The following HYDIN variants were observed in gnomAD, a reference collection of about 807,000 sequenced individuals.
The protein encoded by HYDIN is HYDIN axonemal central pair apparatus protein.
Under a neutral mutation model 403.9 loss-of-function variants are expected in HYDIN, and 132 were observed. The ratio of observed to expected loss-of-function variants is 0.33; its 90% confidence interval spans 0.28 to 0.38. The LOEUF (loss-of-function observed/expected upper bound fraction) is 0.38. Among genes scored for constraint, HYDIN ranks in the 10% least tolerant of loss-of-function variants. HYDIN has a pLI of 1.00. For missense variants in HYDIN, 2,827 were observed against 5,009.5 expected, an observed-to-expected ratio of 0.56 and a Z score of 13.15; for synonymous variants, 1,202 against 1,891.7, an observed-to-expected ratio of 0.64 and a Z score of 9.46.
At position 71,204,072 on chromosome 16, in the gene HYDIN, T is replaced by G. The variant is rs2088166983; in HGVS notation, c.-23-17154A>C. The stretch of plus-strand genomic sequence containing the variant: ...AGAGTCAGACTCTGTCTCAAAAAAG[T>G]AAAGAAAATATTTCATTATCAGGTT... On this transcript the variant is annotated intron_variant, in intron 1 of 85. Coordinates refer to ENST00000393567, the MANE Select transcript of HYDIN (RefSeq NM_001270974.2). 4 of 201,832 alleles carry G rather than the reference T, an allele frequency of 2.0e-5. No individual in the cohort carries two copies. The South Asian group carries it at 3.5e-4, about 18-fold the overall frequency. The allele number at this position is 201,832 out of a possible 1,614,324, so 12.5% of individuals were successfully genotyped here.
chr16:71,230,705 G>T lies in HYDIN; in HGVS notation c.-167C>A. ...CTCTCCATGCGCCGCCCGAGCTGTT[G>T]CCGTCCGTTGCCACGGTAACCACGG... On this transcript the variant is annotated 5_prime_UTR_variant, in exon 1 of 86. Coordinates refer to ENST00000393567, the MANE Select transcript of HYDIN (RefSeq NM_001270974.2). The T allele has an allele frequency of 1.3e-6, 2 of 1,535,988 alleles. No individual in the cohort carries two copies. The highest frequency in any genetic ancestry group is 1.7e-6 in the Non-Finnish European group (2 of 1,146,866).
At chr16:70,923,647 C>CAAAAAAAAAAAAA (rs57860871) in intron 45 of HYDIN, among the ~76,000 whole-genome samples, 25 of 69,250 alleles carry the variant, frequency 3.6e-4, no homozygotes, top group Non-Finnish European at 5.5e-4. Context: ...CTAAAAAATA[C>CAAAAAAAAAAAAA]AAAAAAAAAA....
intron 4 of HYDIN, among the ~76,000 whole-genome samples, chr16:71,178,383 C>T (rs1472330109): frequency 6.8e-6 from 1 of 146,534 alleles, no homozygotes; most frequent in Non-Finnish European, 1.5e-5. Context: ...CGTACCATTG[C>T]ACTCCAGCCT....
At chr16:71,193,756 T>A (rs919806595) in intron 1 of HYDIN, among the ~76,000 whole-genome samples, 12 of 152,208 alleles carry the variant, frequency 7.9e-5, no homozygotes, top group Admixed American at 2.0e-4. Context: ...TTAATAACTA[T>A]CATGATCACC....
In HYDIN at chr16:70,974,319, A is replaced by G; in HGVS notation, c.4910-19T>C. 1 of 1,534,204 alleles carries G rather than the reference A, an allele frequency of 6.5e-7. No homozygotes were observed. The highest frequency in any genetic ancestry group is 8.7e-7 in the Non-Finnish European group (1 of 1,144,400). On this transcript the variant is annotated intron_variant, in intron 32 of 85. Transcript: ENST00000393567. ...CTGAATCCTGGACCAAGACAAAAAA[A>G]AATTTCTTCATGGAAAAGAGAAACA... is the stretch of plus-strand genomic sequence containing the variant.
Position 70,840,166 on chromosome 16 carries a change from G to A in HYDIN, c.12941C>T (p.Ser4314Phe). ...GGTCCCAAAGTTGTAGCTGGTGAAG[G>A]AGAAATGGATAGCCGGGCTCACAGC... The part of the protein sequence containing the change: ...GCAVSPAIHF[S>F]FTSYNFGTCF... Residue 4314 changes from serine (S) to phenylalanine (F), a missense_variant, in exon 76 of 86, where the codon TCC becomes TTC. Coordinates refer to ENST00000393567, the MANE Select transcript of HYDIN (RefSeq NM_001270974.2). The A allele has an allele frequency of 2.2e-6, 2 of 929,380 alleles. No individual in the cohort carries two copies. Among genetic ancestry groups the A allele is most frequent in the East Asian group, 2.5e-5 (1 of 39,574 alleles). 57.6% of individuals were successfully genotyped at this position (929,380 alleles called of 1,614,324 possible). A position where few individuals can be genotyped will look rare whatever the true frequency, so the allele number is the denominator to read the frequency against.
intron 1 of HYDIN, among the ~76,000 whole-genome samples, chr16:71,203,236 G>A (rs574461890): frequency 6.6e-6 from 1 of 152,244 alleles, no homozygotes; most frequent in South Asian, 2.1e-4. Flanking sequence ...TTGAGACCCT[G>A]ATGTCTGTGG....
Position 70,973,374 on chromosome 16 carries a change from T to C in HYDIN, c.5348A>G (p.Asn1783Ser), listed in dbSNP as rs1200882479. 1 of 515,304 alleles carries C rather than the reference T, an allele frequency of 1.9e-6. No homozygotes were observed. The highest frequency in any genetic ancestry group is 2.0e-5 in the African/African-American group (1 of 49,014). The allele number at this position is 515,304 out of a possible 1,614,324, so 31.9% of individuals were successfully genotyped here. A position where few individuals can be genotyped will look rare whatever the true frequency, so the allele number is the denominator to read the frequency against. The stretch of plus-strand genomic sequence containing the variant: ...TTTTGGCATGAATTTCACTTGCACG[T>C]TGGACTTCTCACCAGGATCCAAGAC... ...SGVLDPGEKSNVQVKFMPKEE... is the reference protein window; with the variant it reads ...SGVLDPGEKSSVQVKFMPKEE... The change falls in exon 35 of 86, where the codon AAC (asparagine) becomes AGC (serine). Residue 1783 changes from asparagine (N) to serine (S), a missense_variant. Transcript: ENST00000393567.
intron 42 of HYDIN, among the ~76,000 whole-genome samples, chr16:70,943,534 A>G (rs1222400597): frequency 6.6e-6 from 1 of 152,160 alleles, no homozygotes; most frequent in East Asian, 1.9e-4. Flanking sequence ...GAATGGCTCC[A>G]CATTGTAATT....
At chr16:70,991,477 T>C in intron 24 of HYDIN, 81 bp from the exon 25 acceptor site, 1 of 1,576,096 alleles carries the variant, frequency 6.3e-7, no homozygotes, top group Non-Finnish European at 8.6e-7. Flanking sequence ...CAGCCCTGTC[T>C]TCCTCTTCTC....
At position 70,849,915 on chromosome 16, in the gene HYDIN, G is replaced by C. The variant is rs1174879152; in HGVS notation, c.12684C>G (p.Phe4228Leu). 4.5e-6 allele frequency: 3 copies of C among 663,114 alleles called. No individual in the cohort carries two copies. The highest frequency in any genetic ancestry group is 8.0e-6 in the Non-Finnish European group (3 of 373,452). 41.1% of individuals were successfully genotyped at this position (663,114 alleles called of 1,614,324 possible). The part of the protein sequence containing the change: ...VELNECVQCE[F>L]NFINTGKFTF... The stretch of plus-strand genomic sequence containing the variant: ...TGAACTTTCCAGTGTTGATAAAGTT[G>C]AATTCACACTGGACACATTCATTTA... Residue 4228 changes from phenylalanine (F) to leucine (L), a missense_variant, in exon 75 of 86, where the codon TTC (phenylalanine) becomes TTG (leucine). Transcript: ENST00000393567.
rs761624609 is a variant in HYDIN at position 70,882,848 on chromosome 16, A to G, written c.10027T>C (p.Cys3343Arg). 6.4e-7 allele frequency: 1 copy of G among 1,571,570 alleles called. No individual in the cohort carries two copies. The highest frequency in any genetic ancestry group is 8.8e-7 in the Non-Finnish European group (1 of 1,142,058). The change falls in exon 60 of 86, where the codon TGT (cysteine) becomes CGT (arginine). Residue 3343 changes from cysteine to arginine, a missense_variant. Physicochemically the swap from Cys to Arg is radical, Grantham distance 180. Coordinates refer to ENST00000393567, the MANE Select transcript of HYDIN (RefSeq NM_001270974.2). ...NALIFEEHQI[C>R]TSANLHHILQ... ...ATGTGGTGCAGGTTGGCACTGGTACATATCTGGTGCTCTTCAAATATCAAG... is the reference window on the plus strand; with the variant it reads ...ATGTGGTGCAGGTTGGCACTGGTACGTATCTGGTGCTCTTCAAATATCAAG...
intron 1 of HYDIN, among the ~76,000 whole-genome samples, chr16:71,226,295 A>G (rs531856434): frequency 1.1e-3 from 165 of 152,352 alleles, no homozygotes; most frequent in Middle Eastern, 3.4e-3. Flanking sequence ...TCACACATAC[A>G]TGGTCAACTG....
chr16:70,931,006 T>C (rs556968511), intron 45 of HYDIN, among the ~76,000 whole-genome samples: 2 of 152,154 alleles, frequency 1.3e-5, no homozygotes, highest in East Asian at 3.9e-4. Context: ...ATGCAGCTAT[T>C]ATAACTATGA....
At chr16:71,134,583 C>T (rs1264832765) in intron 8 of HYDIN, among the ~76,000 whole-genome samples, 1 of 152,132 alleles carries the variant, frequency 6.6e-6, no homozygotes, top group Non-Finnish European at 1.5e-5. Flanking sequence ...GCTTTCTTGA[C>T]CCCTGATGTG....
intron 15 of HYDIN, 33 bp from the exon 16 acceptor site, chr16:71,064,873 CAGAG>C (rs769743135): frequency 6.2e-7 from 1 of 1,600,934 alleles, no homozygotes; most frequent in Non-Finnish European, 8.5e-7. Flanking sequence ...CAATTCAAAA[CAGAG>C]AGCTTGTTTA....
At chr16:71,229,662 T>G (rs1487474385) in intron 1 of HYDIN, among the ~76,000 whole-genome samples, 1 of 152,222 alleles carries the variant, frequency 6.6e-6, no homozygotes, top group African/African-American at 2.4e-5. Context: ...ATGTATGTTA[T>G]AATTTCATTT....
Position 70,818,551 on chromosome 16 carries a change from T to C in HYDIN, c.14449A>G (p.Thr4817Ala), listed in dbSNP as rs200999752. The change falls in exon 84 of 86, where the codon ACA becomes GCA. Residue 4817 changes from threonine to alanine, a missense_variant. By Grantham distance (58) the Thr-to-Ala change is moderately conservative. Transcript: ENST00000393567. ...ACATTGTAGTACAAGAACTCATTTG[T>C]CACCTCGTTTCGGAAGATCACCTGC... ...AAKVIFRNEV[T>A]NEFLYYNVSF... is the part of the protein sequence containing the mutation. The C allele has an allele frequency of 8.4e-7, 1 of 1,194,648 alleles. No individual in the cohort carries two copies. The highest frequency in any genetic ancestry group is 1.6e-5 in the African/African-American group (1 of 62,962). 74.0% of individuals were successfully genotyped at this position (1,194,648 alleles called of 1,614,324 possible).
At chr16:71,226,415 C>G (rs1598077566) in intron 1 of HYDIN, among the ~76,000 whole-genome samples, 1 of 152,018 alleles carries the variant, frequency 6.6e-6, no homozygotes, top group South Asian at 2.1e-4. Context: ...TGCCTGACGT[C>G]ATACATAAAA....
Sources: gnomAD v4.1 joint callset for allele counts (sites outside exome capture counted in the v4.1 genomes callset) on GRCh38, gnomAD v4.1.1 for gene constraint, MANE v1.5 for transcripts, NCBI Gene and HGNC (gene_info 2026-07-23, HGNC 2026-07-21) for gene names.